ICMT: variants seen among roughly 807,000 people sequenced by gnomAD.
ICMT encodes the protein protein-S-isoprenylcysteine O-methyltransferase.
Under a neutral mutation model 32.2 loss-of-function variants are expected in ICMT, and 10 were observed. The observed-to-expected ratio is 0.31, with a 90% confidence interval of 0.19 to 0.53. The LOEUF is 0.53. ICMT is among the 20% of genes least tolerant of loss of function. The pLI, the probability that ICMT is intolerant of heterozygous loss-of-function variation, is 0.96. For synonymous variants in ICMT, 183 were observed against 158.2 expected (o/e 1.16, Z -1.18); for missense variants, 265 against 356.9 (o/e 0.74, Z 2.07).
chr1:6,227,129 A>C (rs1188788766), intron 4 of ICMT, among the ~76,000 whole-genome samples: 1 of 152,270 alleles, frequency 6.6e-6, no homozygotes. Flanking sequence ...GTATTATATC[A>C]GGAAAGACAT....
chr1:6,228,260 G>C (rs1283004638), intron 4 of ICMT, among the ~76,000 whole-genome samples: 5 of 152,226 alleles, frequency 3.3e-5, no homozygotes, highest in African/African-American at 1.2e-4. Flanking sequence ...TGGGACTACA[G>C]GTGCACACTA....
At chr1:6,225,684 C>T (rs151030314) in intron 4 of ICMT, among the ~76,000 whole-genome samples, 1 of 152,224 alleles carries the variant, frequency 6.6e-6, no homozygotes, top group African/African-American at 2.4e-5. Context: ...TGCTTCAGCA[C>T]GAGATACAGT....
At position 6,231,930 on chromosome 1, in the gene ICMT, C is replaced by A; in HGVS notation, c.644G>T (p.Gly215Val). 1 of 1,589,786 alleles carries A rather than the reference C, an allele frequency of 6.3e-7. No individual in the cohort carries two copies. The highest frequency in any genetic ancestry group is 8.6e-7 in the Non-Finnish European group (1 of 1,162,036). ...YAWFRHPSYV[G>V]WFYWSIGTQV... ...AGTTCCAATACTCCAGTAAAACCAC[C>A]CGACGTAAGAAGGATGCCGAAACCA... Residue 215 changes from glycine to valine, a missense_variant, in exon 4 of 5, where the codon GGG becomes GTG. This residue lies in a region of ICMT where 166 missense variants were observed against 264.3 expected (regional missense o/e 0.63). Coordinates refer to ENST00000343813, the MANE Select transcript of ICMT (RefSeq NM_012405.4).
chr1:6,233,045 G>A (rs112198385), intron 3 of ICMT, among the ~76,000 whole-genome samples: 5,564 of 151,760 alleles, frequency 0.037, 111 homozygotes, highest in Middle Eastern at 0.062. Context: ...TAGTAGAGAC[G>A]GGGTTTCACC....
At chr1:6,225,558 A>G (rs1668633356) in intron 4 of ICMT, among the ~76,000 whole-genome samples, 1 of 151,848 alleles carries the variant, frequency 6.6e-6, no homozygotes, top group Admixed American at 6.6e-5. Flanking sequence ...TCCAGGTGTG[A>G]GCTCCCCAAC....
intron 2 of ICMT, chr1:6,234,540 C>A (rs780041014): frequency 6.2e-6 from 3 of 486,494 alleles, no homozygotes; most frequent in Non-Finnish European, 1.2e-5. Context: ...GAAAAAGGCC[C>A]ATGAAGACAA....
chr1:6,234,832 C>T (rs1025642290), intron 2 of ICMT, 54 bp downstream of exon 2: 1 of 1,293,632 alleles, frequency 7.7e-7, no homozygotes, highest in Non-Finnish European at 1.1e-6. Flanking sequence ...CGCTACAGAC[C>T]CTCTGATCTG....
At chr1:6,235,435 T>C (rs1212234047) in intron 1 of ICMT, among the ~76,000 whole-genome samples, 1 of 152,228 alleles carries the variant, frequency 6.6e-6, no homozygotes, top group Admixed American at 6.5e-5. Flanking sequence ...GGGCAGCAGG[T>C]AGGTCTCTGC....
chr1:6,229,728 G>C (rs1012346286), intron 4 of ICMT, among the ~76,000 whole-genome samples: 1 of 151,716 alleles, frequency 6.6e-6, no homozygotes, highest in Non-Finnish European at 1.5e-5. Context: ...ACTATAGCCT[G>C]GGTGAGAGAC....
At chr1:6,228,764 C>T (rs1668683896) in intron 4 of ICMT, among the ~76,000 whole-genome samples, 4 of 152,082 alleles carry the variant, frequency 2.6e-5, no homozygotes, top group Admixed American at 6.5e-5. Context: ...CAGTGGCTCA[C>T]GCCTGTAATC....
chr1:6,231,761 G>T, intron 4 of ICMT, 141 bp downstream of exon 4: 1 of 571,120 alleles, frequency 1.8e-6, no homozygotes, highest in Non-Finnish European at 3.0e-6. Context: ...TTATTTAAAG[G>T]AGACCAACAA....
chr1:6,230,896 C>T (rs1261693950), intron 4 of ICMT, among the ~76,000 whole-genome samples: 1 of 111,732 alleles, frequency 8.9e-6, no homozygotes, highest in Admixed American at 1.0e-4. Flanking sequence ...GACTCCATCT[C>T]AAAAAGGAAA....
intron 3 of ICMT, 83 bp downstream of exon 3, chr1:6,233,391 G>A (rs1668767442): frequency 1.5e-6 from 2 of 1,307,636 alleles, no homozygotes; most frequent in Non-Finnish European, 2.1e-6. Flanking sequence ...GATTAGACCT[G>A]AAAGGTGAAT....
rs542925912 is a variant in ICMT, at chr1:6,222,058, A to C, written c.*3022T>G. ...CGGGCCCTGCCACTGCTAAATTTAT[A>C]AAGCTAAAAATAATCTCAAGATCAT... On this transcript the variant is annotated 3_prime_UTR_variant, in exon 5 of 5. Transcript: ENST00000343813. 1 of 152,262 alleles carries C rather than the reference A, an allele frequency of 6.6e-6. No individual in the cohort carries two copies. Among genetic ancestry groups the C allele is most frequent in the Non-Finnish European group, 1.5e-5 (1 of 68,052 alleles). 9.4% of individuals were successfully genotyped at this position (152,262 alleles called of 1,614,324 possible). A position where few individuals can be genotyped will look rare whatever the true frequency, so the allele number is the denominator to read the frequency against.
In ICMT at chr1:6,224,853, C is replaced by G. The variant is rs1571222520; in HGVS notation, c.*227G>C. On this transcript the variant is annotated 3_prime_UTR_variant, in exon 5 of 5. Transcript: ENST00000343813. ...GAATATTGCTGTGATTTGCCCCTTA[C>G]TCGTCTTTCACCCATGTTCCGCCTT... 1.9e-6 allele frequency: 1 copy of G among 517,754 alleles called. No homozygotes were observed. The highest frequency in any genetic ancestry group is 3.3e-5 in the East Asian group (1 of 30,544). 32.1% of individuals were successfully genotyped at this position (517,754 alleles called of 1,614,324 possible).
Position 6,235,680 on chromosome 1 carries a change from GCCCCGCCGGC to G in ICMT, c.195+27_195+36del, listed in dbSNP as rs147526858. On this transcript the variant is annotated intron_variant, in intron 1 of 4. Coordinates refer to ENST00000343813, the MANE Select transcript of ICMT (RefSeq NM_012405.4). Reference sequence around the variant, plus strand: ...CGCCGCGCCAAGCGGACCGCCGCCCGCCCCGCCGGCCCCCGCCGGCCCCCGCCGGCCTGCA... The same window carrying G: ...CGCCGCGCCAAGCGGACCGCCGCCCGCCCCGCCGGCCCCCGCCGGCCTGCA... 688 of 1,146,630 alleles carry G rather than the reference GCCCCGCCGGC, an allele frequency of 6.0e-4. 3 individuals carry two copies. The highest frequency in any genetic ancestry group is 3.7e-3 in the Admixed American group (77 of 20,642). 71.0% of individuals were successfully genotyped at this position (1,146,630 alleles called of 1,614,324 possible).
intron 2 of ICMT, chr1:6,234,295 C>G (rs1668781858): frequency 2.8e-6 from 1 of 362,616 alleles, no homozygotes; most frequent in Non-Finnish European, 5.4e-6. Context: ...GAGATAACAA[C>G]ATAAAGGAGT....
rs2100954557 is a variant in ICMT at position 6,221,526 on chromosome 1, G to GA, written c.*3553dup. 1 of 152,832 alleles carries GA rather than the reference G, an allele frequency of 6.5e-6. No individual in the cohort carries two copies. Among genetic ancestry groups the GA allele is most frequent in the South Asian group, 2.1e-4 (1 of 4,818 alleles). The allele number at this position is 152,832 out of a possible 1,614,324, so 9.5% of individuals were successfully genotyped here. A position where few individuals can be genotyped will look rare whatever the true frequency, so the allele number is the denominator to read the frequency against. ...CAAGCCCAACTACCTAAGGCAGGAA[G>GA]AAAGTGCAGTGAAGGGACAGTGGTG... On this transcript the variant is annotated 3_prime_UTR_variant, in exon 5 of 5. Transcript: ENST00000343813.
intron 2 of ICMT, 121 bp from the exon 3 acceptor site, chr1:6,233,764 G>T: frequency 1.4e-6 from 1 of 723,754 alleles, no homozygotes; most frequent in Non-Finnish European, 2.2e-6. Flanking sequence ...CTGTCTGAGA[G>T]TGGACACAGG....
Sources: gnomAD v4.1 joint callset for allele counts (sites outside exome capture counted in the v4.1 genomes callset) on GRCh38, gnomAD v4.1.1 for gene constraint, gnomAD v4.1.1 regional missense constraint, MANE v1.5 for transcripts, NCBI Gene and HGNC (gene_info 2026-07-23, HGNC 2026-07-21) for gene names.